The following RASA3 variants were observed in gnomAD, a reference collection of about 807,000 sequenced individuals.
RASA3 encodes the protein ras GTPase-activating protein 3.
In RASA3, 73 loss-of-function variants were observed where a neutral mutation model predicts 110.0. That is an observed-to-expected ratio of 0.66 (90% CI 0.55 to 0.81). RASA3 has a LOEUF of 0.81. Ranked by LOEUF, RASA3 falls within the 30% of genes least tolerant of loss-of-function variation. The pLI, the probability that RASA3 is intolerant of heterozygous loss-of-function variation, is 0.00. For synonymous variants in RASA3, 500 were observed against 451.4 expected, an observed-to-expected ratio of 1.11 and a Z score of -1.37; for missense variants, 976 against 1,113.2, an observed-to-expected ratio of 0.88 and a Z score of 1.75.
At position 114,015,225 on chromosome 13, in the gene RASA3, C is replaced by T. The variant is rs752510788; in HGVS notation, c.1389G>A (p.Ala463=). The T allele has an allele frequency of 3.3e-5, 53 of 1,613,048 alleles. No individual in the cohort carries two copies. Among genetic ancestry groups the T allele is most frequent in the African/African-American group, 6.7e-5 (5 of 75,060 alleles). ...CDIFFSLREA[A]AKRFQDDPDV... is the part of the protein sequence containing the mutation. ...GGCACTCACCCTGGAAGCGCTTGGCCGCCGCCTCCCGGAGGGAGAAGAAGA... is the reference window on the plus strand; with the variant it reads ...GGCACTCACCCTGGAAGCGCTTGGCTGCCGCCTCCCGGAGGGAGAAGAAGA... The change falls in exon 14 of 24, where the codon GCG becomes GCA. Residue 463 remains alanine (A), a synonymous_variant. Transcript: ENST00000334062.
chr13:114,076,578 G>A (rs1566556541), intron 1 of RASA3, among the ~76,000 whole-genome samples: 1 of 151,888 alleles, frequency 6.6e-6, no homozygotes, highest in Admixed American at 6.5e-5. Flanking sequence ...GGCAGCACAC[G>A]CACACACACG....
rs1396683260 is a variant in RASA3 at position 114,014,466 on chromosome 13, G to A, written c.1405+743C>T. Among the ~76,000 whole-genome samples the A allele has an allele frequency of 4.6e-5, 7 of 152,150 alleles. No individual in the cohort carries two copies. The East Asian group carries it at 7.7e-4, about 17-fold the overall frequency. Reference sequence around the variant, plus strand: ...GGCTCTGCAGGACCATGGCCACCCCGGGGTGTCTGCAGCTGTCCCGAGGCC... The same window carrying A: ...GGCTCTGCAGGACCATGGCCACCCCAGGGTGTCTGCAGCTGTCCCGAGGCC... On this transcript the variant is annotated intron_variant, in intron 14 of 23. Transcript: ENST00000334062. The surrounding 1 kb of genome is among the most constrained non-coding windows in gnomAD (Gnocchi z 4.5).
chr13:114,060,682 G>A (rs1427349158), intron 2 of RASA3, among the ~76,000 whole-genome samples: 4 of 152,208 alleles, frequency 2.6e-5, no homozygotes, highest in Non-Finnish European at 4.4e-5. Flanking sequence ...CGGGCAGGAC[G>A]CAGCTGGAGC....
rs1455549290 is a variant in RASA3 at position 114,065,612 on chromosome 13, G to A, written c.173+8108C>T. On this transcript the variant is annotated intron_variant, in intron 2 of 23. Coordinates refer to ENST00000334062, the MANE Select transcript of RASA3 (RefSeq NM_007368.4). This position sits in a 1 kb window ranked among gnomAD's most constrained non-coding sequence, Gnocchi z 4.1. ...CACACCCATCAGAAGCACATGGCCAGTGCAGGGCCACACAGCCCTGGCTCC... is the reference window on the plus strand; with the variant it reads ...CACACCCATCAGAAGCACATGGCCAATGCAGGGCCACACAGCCCTGGCTCC... Among the ~76,000 whole-genome samples, 2 of 152,170 alleles carry A rather than the reference G, an allele frequency of 1.3e-5. No individual in the cohort carries two copies. The highest frequency in any genetic ancestry group is 4.8e-5 in the African/African-American group (2 of 41,438).
chr13:114,026,544 C>T (rs2054028724), intron 7 of RASA3, among the ~76,000 whole-genome samples: 1 of 152,204 alleles, frequency 6.6e-6, no homozygotes, highest in South Asian at 2.1e-4. Context: ...TCAGCAGTGC[C>T]AGTGGGTCCT....
At chr13:113,991,474 A>G (rs2053111973) in intron 22 of RASA3, among the ~76,000 whole-genome samples, 1 of 152,216 alleles carries the variant, frequency 6.6e-6, no homozygotes, top group Admixed American at 6.5e-5. Context: ...GATCTCCAAG[A>G]GCAGATCCGA....
At position 113,998,675 on chromosome 13, in the gene RASA3, G is replaced by A. The variant is rs146515786; in HGVS notation, c.1932+910C>T. On this transcript the variant is annotated intron_variant, in intron 20 of 23. Transcript: ENST00000334062. ...CCACGGACACCTCTAGGGGATTCCC[G>A]CCAGAAATGCATCATCAGAACCTGC... Among the ~76,000 whole-genome samples, 956 of 152,330 alleles carry A rather than the reference G, an allele frequency of 6.3e-3. 11 individuals are homozygous for A. Among genetic ancestry groups the A allele is most frequent in the African/African-American group, 0.022 (899 of 41,568 alleles).
intron 3 of RASA3, among the ~76,000 whole-genome samples, chr13:114,046,441 A>G (rs9525216): frequency 0.6 from 90,577 of 152,114 alleles, 28,750 homozygotes; most frequent in African/African-American, 0.84. Context: ...CCCCATAGGC[A>G]GGGTGTTGAG....
intron 1 of RASA3, among the ~76,000 whole-genome samples, chr13:114,129,188 C>T (rs1435930095): frequency 6.6e-6 from 1 of 152,168 alleles, no homozygotes; most frequent in African/African-American, 2.4e-5. Context: ...AAGCAGCGAT[C>T]GCATAGGAAG....
Position 113,979,115 on chromosome 13 carries a change from G to A in RASA3, c.*232C>T, listed in dbSNP as rs1050470202. ...GATCCCCACAAACAAGGAGCAAAAA[G>A]CACAGAATCAAATGACGACACGTTC... On this transcript the variant is annotated 3_prime_UTR_variant, in exon 24 of 24. Coordinates refer to ENST00000334062, the MANE Select transcript of RASA3 (RefSeq NM_007368.4). 1.6e-5 allele frequency: 9 copies of A among 556,308 alleles called. No individual in the cohort carries two copies. Among genetic ancestry groups the A allele is most frequent in the African/African-American group, 3.8e-5 (2 of 52,994 alleles). The allele number at this position is 556,308 out of a possible 1,614,324, so 34.5% of individuals were successfully genotyped here. A position where few individuals can be genotyped will look rare whatever the true frequency, so the allele number is the denominator to read the frequency against.
intron 1 of RASA3, among the ~76,000 whole-genome samples, chr13:114,121,787 A>G (rs2080381163): frequency 6.6e-6 from 1 of 152,216 alleles, no homozygotes; most frequent in Admixed American, 6.5e-5. Flanking sequence ...AGCCCTGTAC[A>G]GTGAATGAGA....
At chr13:114,131,721 T>TGCACACACACAAACGC (rs1291433959) in intron 1 of RASA3, among the ~76,000 whole-genome samples, 3 of 151,950 alleles carry the variant, frequency 2.0e-5, no homozygotes, top group Non-Finnish European at 2.9e-5. Flanking sequence ...CACGCACACA[T>TGCACACACACAAACGC]GCACACACAC....
At chr13:114,004,149 A>G (rs2139187021) in intron 18 of RASA3, among the ~76,000 whole-genome samples, 1 of 152,362 alleles carries the variant, frequency 6.6e-6, no homozygotes. Context: ...GGTATGGTCC[A>G]CCAGTGACCC....
rs2053637783 is a variant in RASA3, at chr13:114,011,545, T to TGGGGCGCTGAGTCTC, written c.1513-312_1513-298dup. ...AAAGCATCAGGTGGGGTCATGGCTC[T>TGGGGCGCTGAGTCTC]GGGGCGCTGAGTCTCGGGGTGCTGA... On this transcript the variant is annotated intron_variant, in intron 15 of 23. Transcript: ENST00000334062. The surrounding 1 kb of genome is among the most constrained non-coding windows in gnomAD (Gnocchi z 4.8). Among the ~76,000 whole-genome samples the TGGGGCGCTGAGTCTC allele has an allele frequency of 6.6e-6, 1 of 151,948 alleles. No individual in the cohort carries two copies. Among genetic ancestry groups the TGGGGCGCTGAGTCTC allele is most frequent in the Non-Finnish European group, 1.5e-5 (1 of 67,954 alleles).
At chr13:114,098,250 AT>A (rs1280978103) in intron 1 of RASA3, among the ~76,000 whole-genome samples, 1 of 152,176 alleles carries the variant, frequency 6.6e-6, no homozygotes, top group Non-Finnish European at 1.5e-5. Context: ...AGGAAAAAAA[AT>A]CAAACGGGAG....
intron 1 of RASA3, among the ~76,000 whole-genome samples, chr13:114,127,054 C>G (rs12583930): frequency 0.012 from 1,755 of 152,328 alleles, 93 homozygotes; most frequent in Admixed American, 0.08. Flanking sequence ...CCAGCCAATA[C>G]GTCCACCTCC....
Position 114,056,211 on chromosome 13 carries a change from C to A in RASA3, c.174-4056G>T, listed in dbSNP as rs2079242193. 6.6e-6 allele frequency among the ~76,000 whole-genome samples: 1 copy of A among 152,116 alleles called. No homozygotes were observed. The highest frequency in any genetic ancestry group is 1.5e-5 in the Non-Finnish European group (1 of 68,018). On this transcript the variant is annotated intron_variant, in intron 2 of 23. Coordinates refer to ENST00000334062, the MANE Select transcript of RASA3 (RefSeq NM_007368.4). This position sits in a 1 kb window ranked among gnomAD's most constrained non-coding sequence, Gnocchi z 5.7. Reference sequence around the variant, plus strand: ...TGTCTGATGTGTGTCCGATGAATGTCCAGTGCGTGTCCAATGCGTGTCTGG... The same window carrying A: ...TGTCTGATGTGTGTCCGATGAATGTACAGTGCGTGTCCAATGCGTGTCTGG...
chr13:114,106,936 T>C (rs1467936262), intron 1 of RASA3, among the ~76,000 whole-genome samples: 1 of 152,274 alleles, frequency 6.6e-6, no homozygotes, highest in Non-Finnish European at 1.5e-5. Context: ...TAGATATTCA[T>C]TCTAGCCAGT....
At chr13:114,054,939 C>T (rs1429611765) in intron 2 of RASA3, among the ~76,000 whole-genome samples, 43 of 152,092 alleles carry the variant, frequency 2.8e-4, no homozygotes, top group Non-Finnish European at 1.3e-4. Context: ...TGTGTGTGCC[C>T]ACAGGCATGT....
Sources: gnomAD v4.1 joint callset for allele counts (sites outside exome capture counted in the v4.1 genomes callset) on GRCh38, gnomAD v4.1.1 for gene constraint, Gnocchi (gnomAD v3.1) non-coding constraint, MANE v1.5 for transcripts, NCBI Gene and HGNC (gene_info 2026-07-23, HGNC 2026-07-21) for gene names.